PEAK1: variants seen among roughly 807,000 people sequenced by gnomAD.
The protein encoded by PEAK1 is inactive tyrosine-protein kinase PEAK1.
Under a neutral mutation model 124.7 loss-of-function variants are expected in PEAK1, and 54 were observed. The ratio of observed to expected loss-of-function variants is 0.43; its 90% confidence interval spans 0.35 to 0.54. The LOEUF (loss-of-function observed/expected upper bound fraction) is 0.54. Among genes scored for constraint, PEAK1 ranks in the 20% least tolerant of loss-of-function variants. The pLI is 0.01. For missense variants in PEAK1, 2,046 were observed against 2,134.5 expected (o/e 0.96, Z 0.82); for synonymous variants, 719 against 760.0 (o/e 0.95, Z 0.89).
In PEAK1 at chr15:77,160,916, C is replaced by A. The variant is rs950921747; in HGVS notation, c.3138-2220G>T. Among the ~76,000 whole-genome samples, 6 of 152,238 alleles carry A rather than the reference C, an allele frequency of 3.9e-5. No individual in the cohort carries two copies. The South Asian group carries it at 8.3e-4, about 21-fold the overall frequency. ...GAAGCCACGATTCCATCCTCACTTG[C>A]CTGTTTTCATCCTAGGCAATGGGCT... On this transcript the variant is annotated intron_variant, in intron 7 of 9. Transcript: ENST00000682557.
At chr15:77,382,793 TA>T (rs1397950537) in intron 1 of PEAK1, among the ~76,000 whole-genome samples, 1 of 152,152 alleles carries the variant, frequency 6.6e-6, no homozygotes, top group Non-Finnish European at 1.5e-5. Flanking sequence ...ATTAGCTTCT[TA>T]AAGGGGAATC....
intron 2 of PEAK1, among the ~76,000 whole-genome samples, chr15:77,339,248 C>T (rs1257915153): frequency 4.6e-5 from 7 of 151,560 alleles, no homozygotes; most frequent in Admixed American, 4.6e-4. Flanking sequence ...GTAGCTGGGA[C>T]TAAAAGCACA....
intron 1 of PEAK1, among the ~76,000 whole-genome samples, chr15:77,413,081 A>T (rs1011162665): frequency 6.6e-6 from 1 of 152,210 alleles, no homozygotes; most frequent in Non-Finnish European, 1.5e-5. Context: ...AGAATGAGGA[A>T]AATTTAAAAA....
intron 6 of PEAK1, among the ~76,000 whole-genome samples, chr15:77,212,225 G>A (rs1197724991): frequency 1.3e-5 from 2 of 152,154 alleles, no homozygotes; most frequent in East Asian, 1.9e-4. Context: ...AGCCATTAGG[G>A]TGCCTAAGCT....
intron 1 of PEAK1, among the ~76,000 whole-genome samples, chr15:77,383,019 C>CT (rs752564656): frequency 0.023 from 2,958 of 130,380 alleles, 58 homozygotes; most frequent in Non-Finnish European, 0.029. Context: ...TTTGTATCTC[C>CT]TTTTTTTTTT....
chr15:77,246,501 T>C (rs958635186), intron 6 of PEAK1, among the ~76,000 whole-genome samples: 1 of 151,792 alleles, frequency 6.6e-6, no homozygotes. Flanking sequence ...GGTGGCGGAG[T>C]AAGACTTTGT....
At chr15:77,162,805 G>C (rs996489221) in intron 7 of PEAK1, among the ~76,000 whole-genome samples, 1 of 152,124 alleles carries the variant, frequency 6.6e-6, no homozygotes, top group South Asian at 2.1e-4. Flanking sequence ...TCATCCATGA[G>C]ACAGATGGTA....
intron 7 of PEAK1, among the ~76,000 whole-genome samples, chr15:77,168,292 T>C (rs533787469): frequency 6.6e-6 from 1 of 151,814 alleles, no homozygotes; most frequent in Non-Finnish European, 1.5e-5. Flanking sequence ...TTGGTTACTA[T>C]AGAGAGTACC....
intron 7 of PEAK1, among the ~76,000 whole-genome samples, chr15:77,172,814 G>A (rs1032394165): frequency 3.3e-5 from 5 of 152,092 alleles, no homozygotes; most frequent in African/African-American, 4.8e-5. Context: ...GTGCAGTGGC[G>A]TGATTATGGT....
intron 1 of PEAK1, chr15:77,401,839 C>T (rs2071398369): frequency 1.0e-6 from 1 of 983,924 alleles, no homozygotes; most frequent in Non-Finnish European, 1.2e-6. Context: ...CCATTAGGTA[C>T]ATCTTGCTTT....
intron 8 of PEAK1, among the ~76,000 whole-genome samples, chr15:77,149,845 G>C (rs2054450988): frequency 6.6e-6 from 1 of 151,896 alleles, no homozygotes; most frequent in African/African-American, 2.4e-5. Context: ...GACCTCCTGG[G>C]CTCAAGGATA....
chr15:77,114,566 C>A lies in PEAK1; in HGVS notation c.4831G>T (p.Glu1611Ter). 2 of 1,614,072 alleles carry A rather than the reference C, an allele frequency of 1.2e-6. No homozygotes were observed. The highest frequency in any genetic ancestry group is 1.7e-6 in the Non-Finnish European group (2 of 1,180,014). The change falls in exon 10 of 10, where the codon GAG (glutamate) becomes TAG (stop). Residue 1611 changes from glutamate to a stop codon, truncating the protein, a stop_gained. Coordinates refer to ENST00000682557, the MANE Select transcript of PEAK1 (RefSeq NM_001385026.1). LOFTEE classifies it high-confidence loss of function. Reference protein sequence around the residue: ...EMLHLPNPFDENPELKEREYT... With the variant: ...EMLHLPNPFD Reference sequence around the variant, plus strand: ...TCCCTCTCCTTCAGCTCTGGGTTCTCATCAAAGGGGTTGGGTAGGTGCAGC... The same window carrying A: ...TCCCTCTCCTTCAGCTCTGGGTTCTAATCAAAGGGGTTGGGTAGGTGCAGC...
chr15:77,160,933 C>CAATG (rs2055581019), intron 7 of PEAK1, among the ~76,000 whole-genome samples: 1 of 152,106 alleles, frequency 6.6e-6, no homozygotes, highest in African/African-American at 2.4e-5. Context: ...TCATCCTAGG[C>CAATG]AATGGGCTAT....
At chr15:77,178,568 G>A (rs992281841) in intron 7 of PEAK1, 8 of 539,170 alleles carry the variant, frequency 1.5e-5, no homozygotes, top group Non-Finnish European at 2.2e-5. Context: ...GAATGCAGTA[G>A]GCTACTTAAG....
intron 2 of PEAK1, among the ~76,000 whole-genome samples, chr15:77,323,179 C>T (rs1289678937): frequency 6.6e-6 from 1 of 152,280 alleles, no homozygotes; most frequent in East Asian, 1.9e-4. Context: ...CAACATCATA[C>T]TGAATGGGCA....
chr15:77,393,632 G>A (rs2070662468), intron 1 of PEAK1, among the ~76,000 whole-genome samples: 1 of 152,198 alleles, frequency 6.6e-6, no homozygotes, highest in Non-Finnish European at 1.5e-5. Flanking sequence ...GTGTTAGCTA[G>A]GCAGTACTTG....
rs1047805512 is a variant in PEAK1, at chr15:77,109,879, T to A, written c.*4277A>T. On this transcript the variant is annotated 3_prime_UTR_variant, in exon 10 of 10. Coordinates refer to ENST00000682557, the MANE Select transcript of PEAK1 (RefSeq NM_001385026.1). ...TCATACTATATTTACACATCTAGAATCATTTGAAATATAGTGTAGTATCCT... is the reference window on the plus strand; with the variant it reads ...TCATACTATATTTACACATCTAGAAACATTTGAAATATAGTGTAGTATCCT... 1 of 152,204 alleles carries A rather than the reference T, an allele frequency of 6.6e-6. No individual in the cohort carries two copies. Among genetic ancestry groups the A allele is most frequent in the Non-Finnish European group, 1.5e-5 (1 of 68,034 alleles). The allele number at this position is 152,204 out of a possible 1,614,324, so 9.4% of individuals were successfully genotyped here. A position where few individuals can be genotyped will look rare whatever the true frequency, so the allele number is the denominator to read the frequency against.
chr15:77,352,933 AT>A, intron 2 of PEAK1: 1 of 985,262 alleles, frequency 1.0e-6, no homozygotes, highest in Non-Finnish European at 1.2e-6. Context: ...GAGCTAATGT[AT>A]TGTACTGCTC....
At chr15:77,260,995 G>A (rs1388220248) in intron 5 of PEAK1, among the ~76,000 whole-genome samples, 1 of 152,188 alleles carries the variant, frequency 6.6e-6, no homozygotes, top group Non-Finnish European at 1.5e-5. Flanking sequence ...CTCCGCTGCT[G>A]ATACCCAGGC....
Sources: allele counts gnomAD v4.1 joint callset (sites outside exome capture counted in the v4.1 genomes callset), GRCh38; gene constraint gnomAD v4.1.1; transcripts MANE v1.5; gene names NCBI Gene and HGNC (gene_info 2026-07-23, HGNC 2026-07-21).